UTRN: variants seen among roughly 807,000 people sequenced by gnomAD.
UTRN encodes dystrophin-related protein 1.
Under a neutral mutation model 463.9 loss-of-function variants are expected in UTRN, and 283 were observed. The ratio of observed to expected loss-of-function variants is 0.61; its 90% confidence interval spans 0.55 to 0.67. The LOEUF is 0.67. UTRN is among the 30% of genes least tolerant of loss of function. The probability of loss-of-function intolerance (pLI) is 0.00; values close to 1 mark genes in which losing one functional copy is unlikely to be tolerated. For missense variants in UTRN, 3,922 were observed against 4,084.3 expected (o/e 0.96, Z 1.08); for synonymous variants, 1,442 against 1,431.5 (o/e 1.01, Z -0.17).
rs761195816 is a variant in UTRN at position 144,839,196 on chromosome 6, T to C, written c.10089T>C (p.Asn3363=). The change falls in exon 72 of 75, where the codon AAT becomes AAC. Residue 3363 remains asparagine, a synonymous_variant. Coordinates refer to ENST00000367545, the MANE Select transcript of UTRN (RefSeq NM_007124.3). ...AGCCTGAATCTGATTCCCGAATCAA[T>C]GGTGTTTCCCCATGGGCTTCTCCTC... is the stretch of plus-strand genomic sequence containing the variant. ...LEQPESDSRI[N]GVSPWASPQH... 15 of 1,614,110 alleles carry C rather than the reference T, an allele frequency of 9.3e-6. No individual in the cohort carries two copies. In the South Asian group the frequency reaches 1.5e-4, roughly 17 times the overall value.
intron 65 of UTRN, among the ~76,000 whole-genome samples, chr6:144,814,919 C>T (rs1778945400): frequency 6.6e-6 from 1 of 152,144 alleles, no homozygotes; most frequent in African/African-American, 2.4e-5. Context: ...GAATTGGAAT[C>T]ATCAATGTAA....
At chr6:144,696,804 G>T (rs1438105711) in intron 52 of UTRN, among the ~76,000 whole-genome samples, 1 of 152,098 alleles carries the variant, frequency 6.6e-6, no homozygotes, top group Non-Finnish European at 1.5e-5. Flanking sequence ...ATGAAAAACT[G>T]TATTTTATTT....
chr6:144,546,893 A>AT (rs1462318533), intron 46 of UTRN, among the ~76,000 whole-genome samples: 1 of 152,238 alleles, frequency 6.6e-6, no homozygotes, highest in Non-Finnish European at 1.5e-5. Context: ...GCAGTTTTAT[A>AT]TTTTTTGAAA....
At chr6:144,539,764 G>A (rs1466818166) in intron 45 of UTRN, among the ~76,000 whole-genome samples, 2 of 152,048 alleles carry the variant, frequency 1.3e-5, no homozygotes, top group African/African-American at 2.4e-5. Context: ...ATTCTGAGCC[G>A]GGTGTGTTGG....
At chr6:144,422,730 G>A (rs537080070) in intron 4 of UTRN, among the ~76,000 whole-genome samples, 11 of 152,198 alleles carry the variant, frequency 7.2e-5, no homozygotes, top group Non-Finnish European at 1.5e-4. Context: ...TATGTGTGGG[G>A]TACTCCAAAC....
chr6:144,574,606 A>T (rs1441229366), intron 50 of UTRN, among the ~76,000 whole-genome samples: 4 of 152,134 alleles, frequency 2.6e-5, no homozygotes, highest in Admixed American at 6.5e-5. Flanking sequence ...TTTTTGAGAC[A>T]GTTTCACTCT....
chr6:144,724,956 G>A (rs998293010), intron 53 of UTRN, among the ~76,000 whole-genome samples: 2 of 152,154 alleles, frequency 1.3e-5, no homozygotes, highest in Non-Finnish European at 2.9e-5. Flanking sequence ...ATACCTATGT[G>A]TAGAATTGCT....
At chr6:144,584,667 G>T (rs1252694096) in intron 51 of UTRN, among the ~76,000 whole-genome samples, 1 of 151,460 alleles carries the variant, frequency 6.6e-6, no homozygotes, top group Non-Finnish European at 1.5e-5. Context: ...ATATATTGCT[G>T]TCTGGAAACT....
intron 2 of UTRN, among the ~76,000 whole-genome samples, chr6:144,316,579 A>G (rs2114571855): frequency 6.6e-6 from 1 of 152,384 alleles, no homozygotes; most frequent in South Asian, 2.1e-4. Flanking sequence ...AATTGTAACC[A>G]GTTAGTTTCA....
At chr6:144,725,290 C>G (rs1235108372) in intron 53 of UTRN, among the ~76,000 whole-genome samples, 1 of 152,196 alleles carries the variant, frequency 6.6e-6, no homozygotes, top group Non-Finnish European at 1.5e-5. Flanking sequence ...TGTGAGGCCT[C>G]CCCAGCCATG....
At chr6:144,368,467 A>T (rs1779698241) in intron 2 of UTRN, among the ~76,000 whole-genome samples, 1 of 152,272 alleles carries the variant, frequency 6.6e-6, no homozygotes, top group East Asian at 1.9e-4. Flanking sequence ...ACATATCTTT[A>T]CCATTAAGGA....
chr6:144,436,018 C>T lies in UTRN; in HGVS notation c.939C>T (p.Ser313=), dbSNP rs1205400143. The stretch of plus-strand genomic sequence containing the variant: ...CTGAGGTTGACATGGATCTGGACAG[C>T]TATCAGATTGCGTTGGAGGAAGTGC... ...TVTEVDMDLD[S]YQIALEEVLT... The change falls in exon 10 of 75, where the codon AGC becomes AGT. Residue 313 remains serine (S), a synonymous_variant. Transcript: ENST00000367545. 1 of 1,614,226 alleles carries T rather than the reference C, an allele frequency of 6.2e-7. No homozygotes were observed. Among genetic ancestry groups the T allele is most frequent in the Non-Finnish European group, 8.5e-7 (1 of 1,180,044 alleles).
chr6:144,374,107 C>T (rs752584677), intron 2 of UTRN, among the ~76,000 whole-genome samples: 8 of 152,084 alleles, frequency 5.3e-5, no homozygotes, highest in Non-Finnish European at 1.0e-4. Flanking sequence ...TCTCAACTCC[C>T]GTGATGGAGA....
chr6:144,625,602 G>T (rs922661162), intron 51 of UTRN, among the ~76,000 whole-genome samples: 3 of 152,238 alleles, frequency 2.0e-5, no homozygotes, highest in Admixed American at 6.5e-5. Flanking sequence ...GGAGGACTGA[G>T]ATAAATTGGT....
At chr6:144,321,136 A>G (rs1280545512) in intron 2 of UTRN, among the ~76,000 whole-genome samples, 2 of 152,216 alleles carry the variant, frequency 1.3e-5, no homozygotes, top group Admixed American at 1.3e-4. Context: ...GAAGTATTGT[A>G]GTGATAAGAA....
chr6:144,812,890 C>T (rs1357369268), intron 65 of UTRN, among the ~76,000 whole-genome samples: 1 of 151,998 alleles, frequency 6.6e-6, no homozygotes. Flanking sequence ...TCTTATTATA[C>T]AGGTAAGTTT....
chr6:144,305,181 A>G (rs1260048439), intron 2 of UTRN, among the ~76,000 whole-genome samples: 1 of 152,176 alleles, frequency 6.6e-6, no homozygotes. Context: ...TTTAGGTTGT[A>G]TTTTAAAGAG....
chr6:144,403,290 A>G (rs186812032), intron 3 of UTRN, 106 bp downstream of exon 3: 62 of 942,380 alleles, frequency 6.6e-5, no homozygotes, highest in Admixed American at 2.8e-4. Context: ...CACCTAGCCG[A>G]AGTCTTCTGA....
intron 52 of UTRN, 52 bp downstream of exon 52, chr6:144,678,630 C>A: frequency 1.4e-6 from 2 of 1,453,164 alleles, no homozygotes; most frequent in Non-Finnish European, 1.8e-6. Context: ...GGGGTAGATA[C>A]TTGTGATTTT....
Sources: allele counts gnomAD v4.1 joint callset (sites outside exome capture counted in the v4.1 genomes callset), GRCh38; gene constraint gnomAD v4.1.1; transcripts MANE v1.5; gene names NCBI Gene and HGNC (gene_info 2026-07-23, HGNC 2026-07-21).